Variants in FAM13A observed in about 807,000 individuals in gnomAD.
FAM13A encodes family with sequence similarity 13 member A.
Under a neutral mutation model 129.6 loss-of-function variants are expected in FAM13A, and 76 were observed. The observed-to-expected ratio is 0.59, with a 90% CI of 0.49 to 0.71. The LOEUF (loss-of-function observed/expected upper bound fraction) is 0.71. Ranked by LOEUF, FAM13A falls within the 30% of genes least tolerant of loss-of-function variation. The pLI is 0.00. For synonymous variants in FAM13A, 443 were observed against 449.9 expected (o/e 0.98, Z 0.20); for missense variants, 1,108 against 1,249.3 (o/e 0.89, Z 1.70).
chr4:88,729,466 G>A (rs1218730091), intron 23 of FAM13A: 1 of 152,164 alleles, frequency 6.6e-6, no homozygotes, highest in Non-Finnish European at 1.5e-5. Context: ...GGCAAATATG[G>A]GTAAGGAGGA....
intron 5 of FAM13A, among the ~76,000 whole-genome samples, chr4:88,916,143 T>G (rs1488598769): frequency 6.6e-6 from 1 of 152,110 alleles, no homozygotes; most frequent in African/African-American, 2.4e-5. Flanking sequence ...CCTCACCAGA[T>G]ATAGCACCTT....
intron 8 of FAM13A, among the ~76,000 whole-genome samples, chr4:88,803,288 G>A (rs1402578988): frequency 1.3e-5 from 2 of 152,074 alleles, no homozygotes; most frequent in African/African-American, 2.4e-5. Flanking sequence ...TACCATAAAC[G>A]TGGGCCAGTA....
chr4:88,886,448 C>T (rs567079210), intron 6 of FAM13A, among the ~76,000 whole-genome samples: 5 of 151,484 alleles, frequency 3.3e-5, no homozygotes, highest in Non-Finnish European at 5.9e-5. Flanking sequence ...ATTAGCCAGG[C>T]GTGGTGGCAT....
At chr4:88,749,180 C>A in intron 16 of FAM13A, 147 bp from the exon 17 acceptor site, 1 of 673,738 alleles carries the variant, frequency 1.5e-6, no homozygotes, top group Non-Finnish European at 2.7e-6. Flanking sequence ...GAGCAAATGT[C>A]ACAAATGTAA....
rs1736650234 is a variant in FAM13A at position 88,727,333 on chromosome 4, G to T, written c.*1200C>A. 6.6e-6 allele frequency: 1 copy of T among 152,670 alleles called. No individual in the cohort carries two copies. Among genetic ancestry groups the T allele is most frequent in the Non-Finnish European group, 1.5e-5 (1 of 68,050 alleles). The allele number at this position is 152,670 out of a possible 1,614,324, so 9.5% of individuals were successfully genotyped here. ...ACACTGAAGAGATGGAGGATTTGGT[G>T]TCTTACATTTCCTGGTCCCTCCAAA... On this transcript the variant is annotated 3_prime_UTR_variant, in exon 24 of 24. Coordinates refer to ENST00000264344, the MANE Select transcript of FAM13A (RefSeq NM_014883.4).
Position 88,726,161 on chromosome 4 carries a change from A to G in FAM13A, c.*2372T>C, listed in dbSNP as rs926032293. ...GTGCCTTGAGATTCTGGGCTGCAGA[A>G]ATGGTTGCTGGGGAACACATCTCCC... is the stretch of plus-strand genomic sequence containing the variant. On this transcript the variant is annotated 3_prime_UTR_variant, in exon 24 of 24. Coordinates refer to ENST00000264344, the MANE Select transcript of FAM13A (RefSeq NM_014883.4). The G allele has an allele frequency of 1.3e-5, 2 of 152,214 alleles. No individual in the cohort carries two copies. Among genetic ancestry groups the G allele is most frequent in the African/African-American group, 4.8e-5 (2 of 41,454 alleles). The allele number at this position is 152,214 out of a possible 1,614,324, so 9.4% of individuals were successfully genotyped here. A position where few individuals can be genotyped will look rare whatever the true frequency, so the allele number is the denominator to read the frequency against.
chr4:88,966,467 AG>A (rs1759364657), intron 4 of FAM13A, among the ~76,000 whole-genome samples: 1 of 152,212 alleles, frequency 6.6e-6, no homozygotes. Flanking sequence ...TTCCTGCTAT[AG>A]CCAAATAAGT....
intron 7 of FAM13A, among the ~76,000 whole-genome samples, chr4:88,819,654 A>G (rs1731499984): frequency 6.6e-6 from 1 of 152,128 alleles, no homozygotes; most frequent in South Asian, 2.1e-4. Context: ...ACCTGAGAAA[A>G]CTTATATTTC....
At chr4:88,987,118 T>TC (rs1313367235) in intron 4 of FAM13A, among the ~76,000 whole-genome samples, 2 of 152,152 alleles carry the variant, frequency 1.3e-5, no homozygotes, top group East Asian at 1.9e-4. Context: ...CTAAAGGGAC[T>TC]CCCACAACTG....
chr4:88,729,909 A>T (rs538293913), intron 23 of FAM13A: 11 of 152,328 alleles, frequency 7.2e-5, no homozygotes, highest in African/African-American at 2.6e-4. Context: ...GTCTTTGGTT[A>T]TTATTGTTTT....
intron 2 of FAM13A, among the ~76,000 whole-genome samples, chr4:89,025,811 T>C (rs904969852): frequency 6.6e-6 from 1 of 152,194 alleles, no homozygotes; most frequent in African/African-American, 2.4e-5. Context: ...CGCATACTTA[T>C]ATATACACGA....
intron 7 of FAM13A, among the ~76,000 whole-genome samples, chr4:88,850,585 C>T (rs533788175): frequency 1.3e-5 from 2 of 151,832 alleles, no homozygotes; most frequent in East Asian, 1.9e-4. Flanking sequence ...TTTTTTTCTT[C>T]GAGTATACCA....
Position 88,777,526 on chromosome 4 carries a change from G to C in FAM13A, c.1458+3639C>G, listed in dbSNP as rs573337715. 2.6e-5 allele frequency among the ~76,000 whole-genome samples: 4 copies of C among 152,292 alleles called. No individual in the cohort carries two copies. The South Asian group carries it at 8.3e-4, about 32-fold the overall frequency. On this transcript the variant is annotated intron_variant, in intron 11 of 23. Coordinates refer to ENST00000264344, the MANE Select transcript of FAM13A (RefSeq NM_014883.4). ...ATAAGGCAGTGCAGTCTGATGCCCA[G>C]ACTGGTACCTCACTGCCCCTGATTT...
intron 1 of FAM13A, among the ~76,000 whole-genome samples, chr4:89,035,509 A>C (rs948947696): frequency 6.6e-6 from 1 of 152,048 alleles, no homozygotes; most frequent in Non-Finnish European, 1.5e-5. Context: ...AGGGAAGGGA[A>C]AAAAAGAAAA....
intron 6 of FAM13A, among the ~76,000 whole-genome samples, chr4:88,851,451 C>A (rs1407996391): frequency 6.6e-6 from 1 of 151,680 alleles, no homozygotes; most frequent in Non-Finnish European, 1.5e-5. Context: ...TGGCAGAAAT[C>A]TTCCCCAGGC....
At chr4:88,866,942 G>T (rs944405142) in intron 6 of FAM13A, among the ~76,000 whole-genome samples, 1 of 151,980 alleles carries the variant, frequency 6.6e-6, no homozygotes, top group African/African-American at 2.4e-5. Flanking sequence ...ATGGGCAAAG[G>T]GTACATACAT....
chr4:89,012,545 C>G (rs947852912), intron 3 of FAM13A, among the ~76,000 whole-genome samples: 1 of 152,118 alleles, frequency 6.6e-6, no homozygotes, highest in African/African-American at 2.4e-5. Context: ...AACTAAAACC[C>G]ATAGAATCTC....
intron 8 of FAM13A, among the ~76,000 whole-genome samples, chr4:88,803,009 A>C (rs543086325): frequency 1.8e-4 from 28 of 152,198 alleles, no homozygotes; most frequent in Non-Finnish European, 4.4e-5. Flanking sequence ...CCACCTCTTT[A>C]TGCTGGACCT....
Position 88,774,224 on chromosome 4 carries a change from T to C in FAM13A, c.1459-6165A>G, listed in dbSNP as rs540876456. ...AATGTCCTCTACGATATCGATCCTT[T>C]ACCTCTTACCACTTTCCATCCTCTT... On this transcript the variant is annotated intron_variant, in intron 11 of 23. Coordinates refer to ENST00000264344, the MANE Select transcript of FAM13A (RefSeq NM_014883.4). Among the ~76,000 whole-genome samples the C allele has an allele frequency of 3.3e-5, 5 of 152,358 alleles. No homozygotes were observed. In the South Asian group the frequency reaches 6.2e-4, roughly 19 times the overall value.
Sources: gnomAD v4.1 joint callset for allele counts (sites outside exome capture counted in the v4.1 genomes callset) on GRCh38, gnomAD v4.1.1 for gene constraint, MANE v1.5 for transcripts, NCBI Gene and HGNC (gene_info 2026-07-23, HGNC 2026-07-21) for gene names.